The following PLOD2 variants were observed in gnomAD, a reference collection of about 807,000 sequenced individuals.
PLOD2 encodes the protein lysine hydroxylase 2.
A neutral mutation model predicts 101.0 loss-of-function variants in PLOD2; 65 were observed. The observed-to-expected ratio is 0.64, with a 90% CI of 0.53 to 0.79. The LOEUF is 0.79. PLOD2 is among the 30% of genes least tolerant of loss of function. The pLI is 0.00. For missense variants in PLOD2, 909 were observed against 914.6 expected (o/e 0.99, Z 0.08); for synonymous variants, 314 against 302.9 (o/e 1.04, Z -0.38).
chr3:146,082,658 C>T (rs1241910791), intron 11 of PLOD2, among the ~76,000 whole-genome samples: 8 of 152,170 alleles, frequency 5.3e-5, no homozygotes, highest in East Asian at 3.9e-4. Context: ...TTTGGGAAGC[C>T]GAGGCGGGCG....
chr3:146,105,574 A>C (rs986808590), intron 5 of PLOD2, among the ~76,000 whole-genome samples: 1 of 152,216 alleles, frequency 6.6e-6, no homozygotes, highest in Non-Finnish European at 1.5e-5. Flanking sequence ...TCAAATTAAA[A>C]ACTGTCTTTT....
intron 3 of PLOD2, among the ~76,000 whole-genome samples, chr3:146,114,011 G>T (rs1388059426): frequency 6.6e-6 from 1 of 152,142 alleles, no homozygotes; most frequent in East Asian, 1.9e-4. Flanking sequence ...GTCTTACACG[G>T]TTGCAGATAA....
chr3:146,094,567 G>A (rs969401893), intron 7 of PLOD2, among the ~76,000 whole-genome samples: 2 of 152,114 alleles, frequency 1.3e-5, no homozygotes, highest in African/African-American at 4.8e-5. Flanking sequence ...ACAAACCACT[G>A]CTCAAGGAAA....
chr3:146,124,021 T>C, intron 2 of PLOD2, 117 bp downstream of exon 2: 2 of 692,530 alleles, frequency 2.9e-6, no homozygotes, highest in Non-Finnish European at 5.3e-6. Flanking sequence ...GAACTAACAG[T>C]AATTATGTAA....
intron 11 of PLOD2, among the ~76,000 whole-genome samples, chr3:146,083,942 T>G (rs1344639416): frequency 6.6e-6 from 1 of 151,816 alleles, no homozygotes; most frequent in Non-Finnish European, 1.5e-5. Flanking sequence ...ATATGTCAAA[T>G]ACATAGTGTA....
At chr3:146,117,598 G>C (rs973165197) in intron 3 of PLOD2, among the ~76,000 whole-genome samples, 1 of 152,080 alleles carries the variant, frequency 6.6e-6, no homozygotes, top group Non-Finnish European at 1.5e-5. Flanking sequence ...GTCATGGTAG[G>C]TAATGATGCA....
chr3:146,096,956 G>A (rs886394563), intron 7 of PLOD2, among the ~76,000 whole-genome samples: 2 of 145,324 alleles, frequency 1.4e-5, no homozygotes, highest in Middle Eastern at 3.8e-3. Context: ...ACTGGGAAGT[G>A]AGGACCCCTC....
chr3:146,112,140 A>G (rs1937664000), intron 3 of PLOD2, among the ~76,000 whole-genome samples: 1 of 152,206 alleles, frequency 6.6e-6, no homozygotes, highest in Non-Finnish European at 1.5e-5. Context: ...CAGCAATCCC[A>G]TTGCTGGGTA....
chr3:146,101,750 T>A (rs1937396013), intron 7 of PLOD2, among the ~76,000 whole-genome samples: 1 of 152,198 alleles, frequency 6.6e-6, no homozygotes. Context: ...TGGTTTCATT[T>A]GTAAGATGGA....
Position 146,124,126 on chromosome 3 carries a change from G to C in PLOD2, c.201+12C>G. 7.4e-7 allele frequency: 1 copy of C among 1,351,508 alleles called. No homozygotes were observed. The highest frequency in any genetic ancestry group is 2.3e-5 in the East Asian group (1 of 43,558). 83.7% of individuals were successfully genotyped at this position (1,351,508 alleles called of 1,614,324 possible). On this transcript the variant is annotated intron_variant, in intron 2 of 19. Coordinates refer to ENST00000282903, the MANE Select transcript of PLOD2 (RefSeq NM_182943.3). Reference sequence around the variant, plus strand: ...ATTATAGGATCTTCATAGGTTAAAGGATATACCATACCTTCACAGTATAAT... The same window carrying C: ...ATTATAGGATCTTCATAGGTTAAAGCATATACCATACCTTCACAGTATAAT...
chr3:146,160,678 T>G, intron 1 of PLOD2: 1 of 527,728 alleles, frequency 1.9e-6, no homozygotes, highest in Non-Finnish European at 3.4e-6. Context: ...CTCCAAGGAG[T>G]CAACGAGGGC....
chr3:146,150,927 A>AGT (rs1559874060), intron 1 of PLOD2, among the ~76,000 whole-genome samples: 4 of 152,200 alleles, frequency 2.6e-5, no homozygotes, highest in Non-Finnish European at 5.9e-5. Context: ...TCATATAAAA[A>AGT]CACTTGGAAC....
chr3:146,122,558 C>G (rs950026933), intron 2 of PLOD2, among the ~76,000 whole-genome samples: 4 of 152,122 alleles, frequency 2.6e-5, no homozygotes, highest in African/African-American at 9.7e-5. Context: ...GTAATTCAGT[C>G]GGTCTGAGGG....
At chr3:146,140,821 T>C (rs778331078) in intron 1 of PLOD2, among the ~76,000 whole-genome samples, 15 of 152,084 alleles carry the variant, frequency 9.9e-5, no homozygotes, top group Non-Finnish European at 1.9e-4. Context: ...TCACTTACCA[T>C]ATTTTCCAAT....
intron 7 of PLOD2, among the ~76,000 whole-genome samples, chr3:146,097,530 G>A (rs1937240695): frequency 9.2e-6 from 1 of 109,160 alleles, no homozygotes; most frequent in Non-Finnish European, 1.9e-5. Context: ...AACATGTGCT[G>A]TGTCCACTCA....
intron 7 of PLOD2, among the ~76,000 whole-genome samples, chr3:146,102,473 G>A (rs1190537707): frequency 6.6e-6 from 1 of 152,176 alleles, no homozygotes; most frequent in Non-Finnish European, 1.5e-5. Context: ...TACCCAGTAT[G>A]AGAGAAATGT....
At chr3:146,140,833 A>G (rs1559869488) in intron 1 of PLOD2, among the ~76,000 whole-genome samples, 1 of 152,082 alleles carries the variant, frequency 6.6e-6, no homozygotes, top group Non-Finnish European at 1.5e-5. Flanking sequence ...TTTTCCAATG[A>G]TAGGGTACTT....
At position 146,149,146 on chromosome 3, in the gene PLOD2, T is replaced by C. The variant is rs114099326; in HGVS notation, c.109+11735A>G. 7.0e-3 allele frequency among the ~76,000 whole-genome samples: 1,068 copies of C among 152,286 alleles called. 14 individuals are homozygous for C. The highest frequency in any genetic ancestry group is 0.025 in the African/African-American group (1,025 of 41,552). The stretch of plus-strand genomic sequence containing the variant: ...TCATTCAAGTCACATATTTTGTAAT[T>C]TTGTACCACACTTAAAAGCAACTTC... On this transcript the variant is annotated intron_variant, in intron 1 of 19. Transcript: ENST00000282903.
chr3:146,089,771 T>C (rs1276213074), intron 8 of PLOD2, among the ~76,000 whole-genome samples: 3 of 151,574 alleles, frequency 2.0e-5, no homozygotes, highest in Non-Finnish European at 4.4e-5. Flanking sequence ...ACAAAATATC[T>C]ACTCTCCAGT....
Sources: allele counts gnomAD v4.1 joint callset (sites outside exome capture counted in the v4.1 genomes callset), GRCh38; gene constraint gnomAD v4.1.1; transcripts MANE v1.5; gene names NCBI Gene and HGNC (gene_info 2026-07-23, HGNC 2026-07-21).